Variants in PACRG observed in about 807,000 individuals in gnomAD.
PACRG encodes parkin coregulated gene protein.
PACRG carries 29 observed loss-of-function variants against 29.7 expected under a neutral mutation model. That is an observed-to-expected ratio of 0.98 (90% CI 0.73 to 1.33). The LOEUF (loss-of-function observed/expected upper bound fraction) is 1.33, where lower values mean the gene tolerates loss of function less well. Among genes scored for constraint, PACRG ranks in the 40% most tolerant of loss-of-function variants. The pLI is 0.00. For synonymous variants in PACRG, 116 were observed against 118.7 expected (o/e 0.98, Z 0.15); for missense variants, 279 against 316.2 (o/e 0.88, Z 0.89).
At position 163,066,030 on chromosome 6, in the gene PACRG, G is replaced by A. The variant is rs567350639; in HGVS notation, c.463+3709G>A. 7.2e-5 allele frequency among the ~76,000 whole-genome samples: 11 copies of A among 152,278 alleles called. No individual in the cohort carries two copies. The South Asian group carries it at 1.2e-3, about 17-fold the overall frequency. ...GCAATCATAATGGCAGAGGTGATTCGAAGAGATGTTCTAGGAGGAAAAATT... is the reference window on the plus strand; with the variant it reads ...GCAATCATAATGGCAGAGGTGATTCAAAGAGATGTTCTAGGAGGAAAAATT... On this transcript the variant is annotated intron_variant, in intron 3 of 4. Transcript: ENST00000366888.
At chr6:163,224,383 A>AAAAAAAAAAAAAAAAAAAAAC in intron 4 of PACRG, among the ~76,000 whole-genome samples, 1 of 148,630 alleles carries the variant, frequency 6.7e-6, no homozygotes, top group Non-Finnish European at 1.5e-5. Context: ...AAAAAAAAAA[A>AAAAAAAAAAAAAAAAAAAAAC]AAAAAAAAAA....
At chr6:163,004,820 C>T (rs1381053702) in intron 2 of PACRG, among the ~76,000 whole-genome samples, 2 of 150,126 alleles carry the variant, frequency 1.3e-5, no homozygotes, top group Non-Finnish European at 2.9e-5. Flanking sequence ...CTTATTTGTT[C>T]GTTCATTCAT....
chr6:162,903,310 AAAT>A (rs1175516997), intron 2 of PACRG, among the ~76,000 whole-genome samples: 37 of 152,138 alleles, frequency 2.4e-4, no homozygotes, highest in African/African-American at 8.7e-4. Context: ...TCTAGGGGAA[AAAT>A]AATAATATGT....
At chr6:162,831,089 T>C (rs1788732815) in intron 2 of PACRG, among the ~76,000 whole-genome samples, 1 of 152,162 alleles carries the variant, frequency 6.6e-6, no homozygotes, top group African/African-American at 2.4e-5. Flanking sequence ...ATACCGTTCA[T>C]TCTTTAAACC....
intron 2 of PACRG, among the ~76,000 whole-genome samples, chr6:162,890,166 G>C (rs1794650248): frequency 6.6e-6 from 1 of 152,174 alleles, no homozygotes; most frequent in African/African-American, 2.4e-5. Context: ...GCCTAGTTTT[G>C]AGACTCAAGT....
chr6:162,998,343 G>A (rs1036415073), intron 2 of PACRG, among the ~76,000 whole-genome samples: 12 of 152,296 alleles, frequency 7.9e-5, no homozygotes, highest in African/African-American at 1.9e-4. Context: ...CTCCAGGACT[G>A]AGAAAGCCTT....
At chr6:163,249,613 GATTCC>G (rs1406321086) in intron 4 of PACRG, among the ~76,000 whole-genome samples, 1 of 152,200 alleles carries the variant, frequency 6.6e-6, no homozygotes, top group Non-Finnish European at 1.5e-5. Context: ...CAAGTTATTA[GATTCC>G]ATGGGACCTA....
At chr6:163,269,829 AAGAAAGAAAAAGAAAGAAAGAAAGAAAG>A (rs1459418725) in intron 4 of PACRG, among the ~76,000 whole-genome samples, 1 of 37,008 alleles carries the variant, frequency 2.7e-5, no homozygotes. Flanking sequence ...AGGAGAAAGA[AAGAAAGAAAAAGAAAGAAAGAAAGAAAG>A]AGAAAGAAAG....
intron 2 of PACRG, among the ~76,000 whole-genome samples, chr6:162,897,664 G>A (rs1288956394): frequency 2.5e-4 from 38 of 152,216 alleles, no homozygotes; most frequent in Non-Finnish European, 2.9e-5. Context: ...GTGCTGGAGA[G>A]GTCTGTAGCC....
At chr6:163,267,528 C>G (rs1318603826) in intron 4 of PACRG, among the ~76,000 whole-genome samples, 1 of 152,192 alleles carries the variant, frequency 6.6e-6, no homozygotes, top group African/African-American at 2.4e-5. Flanking sequence ...CGTAAGTTAT[C>G]AAACATGTAA....
intron 1 of PACRG, among the ~76,000 whole-genome samples, chr6:162,745,762 A>G (rs1463166649): frequency 6.6e-6 from 1 of 152,120 alleles, no homozygotes; most frequent in Non-Finnish European, 1.5e-5. Flanking sequence ...GTGTGAGGTA[A>G]TTAGTTAGTC....
intron 2 of PACRG, among the ~76,000 whole-genome samples, chr6:162,913,349 C>T (rs370016112): frequency 2.6e-5 from 4 of 152,162 alleles, no homozygotes; most frequent in Admixed American, 6.5e-5. Flanking sequence ...TGTTACTAAG[C>T]GTATGCCTTT....
chr6:163,108,991 C>A (rs1163019046), intron 4 of PACRG, among the ~76,000 whole-genome samples: 1 of 152,160 alleles, frequency 6.6e-6, no homozygotes, highest in Non-Finnish European at 1.5e-5. Flanking sequence ...ACTGTTTTGG[C>A]ATGAAAGCAA....
At chr6:162,795,908 A>G (rs952126478) in intron 1 of PACRG, among the ~76,000 whole-genome samples, 1 of 152,180 alleles carries the variant, frequency 6.6e-6, no homozygotes, top group Non-Finnish European at 1.5e-5. Flanking sequence ...TGAAAACTAT[A>G]GATTTTTGCA....
At chr6:162,863,557 T>C (rs1584580166) in intron 2 of PACRG, among the ~76,000 whole-genome samples, 1 of 152,220 alleles carries the variant, frequency 6.6e-6, no homozygotes, top group South Asian at 2.1e-4. Context: ...ACAGGCTGGG[T>C]ACCACTGAGC....
upstream of PACRG, chr6:162,727,649 G>C: frequency 6.3e-7 from 1 of 1,585,300 alleles, no homozygotes; most frequent in Non-Finnish European, 8.6e-7. Context: ...GTACCTGGCA[G>C]GTACCCACGT....
intron 2 of PACRG, among the ~76,000 whole-genome samples, chr6:162,829,533 T>C (rs946028302): frequency 7.2e-5 from 11 of 152,220 alleles, no homozygotes; most frequent in African/African-American, 2.7e-4. Context: ...CTTTGTGCAG[T>C]GTATACAATT....
intron 2 of PACRG, among the ~76,000 whole-genome samples, chr6:162,941,688 A>G (rs1798642898): frequency 6.6e-6 from 1 of 152,140 alleles, no homozygotes; most frequent in South Asian, 2.1e-4. Flanking sequence ...GCTTTATTTA[A>G]TCATGCTACA....
chr6:162,801,357 C>A (rs929465749), intron 1 of PACRG, among the ~76,000 whole-genome samples: 3 of 152,104 alleles, frequency 2.0e-5, no homozygotes, highest in Non-Finnish European at 4.4e-5. Flanking sequence ...GATCCGCCCC[C>A]CTTGGCCTCC....
Sources: allele counts gnomAD v4.1 joint callset (sites outside exome capture counted in the v4.1 genomes callset), GRCh38; gene constraint gnomAD v4.1.1; transcripts MANE v1.5; gene names NCBI Gene and HGNC (gene_info 2026-07-23, HGNC 2026-07-21).